Variants in SNX24 observed in about 807,000 individuals in gnomAD.
SNX24 encodes the protein sorting nexin-24.
In SNX24, 22 loss-of-function variants were observed where a neutral mutation model predicts 28.7. That is an observed-to-expected ratio of 0.77 (90% CI 0.55 to 1.10). The LOEUF is 1.10. Among genes scored for constraint, SNX24 ranks in the 50% least tolerant of loss-of-function variants. The probability of loss-of-function intolerance (pLI) is 0.00; values close to 1 mark genes in which losing one functional copy is unlikely to be tolerated. For missense variants in SNX24, 221 were observed against 201.1 expected (o/e 1.10, Z -0.60); for synonymous variants, 69 against 71.5 (o/e 0.96, Z 0.18).
chr5:122,882,808 T>A (rs1227653049), intron 1 of SNX24, among the ~76,000 whole-genome samples: 2 of 152,210 alleles, frequency 1.3e-5, no homozygotes, highest in Admixed American at 1.3e-4. Context: ...TCACTGGCTT[T>A]TAAATTATGA....
chr5:122,898,374 C>G (rs925478578), intron 1 of SNX24, among the ~76,000 whole-genome samples: 1 of 152,200 alleles, frequency 6.6e-6, no homozygotes, highest in Non-Finnish European at 1.5e-5. Context: ...GGGGATTACT[C>G]AAAATTCCTT....
chr5:122,907,309 A>T (rs1024849685), intron 1 of SNX24, among the ~76,000 whole-genome samples: 1 of 152,056 alleles, frequency 6.6e-6, no homozygotes, highest in Non-Finnish European at 1.5e-5. Flanking sequence ...AAAGTCTATT[A>T]AAAAAAATCA....
At chr5:122,940,968 C>T (rs1759419961) in intron 2 of SNX24, among the ~76,000 whole-genome samples, 2 of 152,132 alleles carry the variant, frequency 1.3e-5, no homozygotes, top group South Asian at 4.1e-4. Context: ...CTCGTGGCCT[C>T]TTTCATCTTC....
intron 5 of SNX24, among the ~76,000 whole-genome samples, chr5:123,014,433 C>A (rs1004066513): frequency 2.8e-5 from 4 of 145,442 alleles, no homozygotes; most frequent in African/African-American, 1.0e-4. Flanking sequence ...CCTCCCATCT[C>A]AGCCTCCCAA....
chr5:122,894,427 T>A (rs932154212), intron 1 of SNX24, among the ~76,000 whole-genome samples: 1 of 152,186 alleles, frequency 6.6e-6, no homozygotes. Flanking sequence ...CCCAATTATT[T>A]TTTTTGGTCA....
At chr5:122,991,113 T>A (rs1171265995) in intron 3 of SNX24, among the ~76,000 whole-genome samples, 4 of 152,082 alleles carry the variant, frequency 2.6e-5, no homozygotes, top group Non-Finnish European at 5.9e-5. Context: ...ACCAGGCTGG[T>A]CTCAAGCTCC....
intron 1 of SNX24, among the ~76,000 whole-genome samples, chr5:122,910,225 G>T (rs991164067): frequency 2.0e-5 from 3 of 152,136 alleles, no homozygotes; most frequent in Admixed American, 6.5e-5. Flanking sequence ...TTTGCTGTGT[G>T]TCAGGACGTC....
intron 3 of SNX24, among the ~76,000 whole-genome samples, chr5:122,989,198 C>A (rs1476134769): frequency 6.6e-6 from 1 of 152,144 alleles, no homozygotes; most frequent in African/African-American, 2.4e-5. Context: ...AAGGACTTAA[C>A]TAAAAGTGAG....
At chr5:122,916,773 A>C (rs563869578) in intron 1 of SNX24, among the ~76,000 whole-genome samples, 1 of 152,200 alleles carries the variant, frequency 6.6e-6, no homozygotes, top group Non-Finnish European at 1.5e-5. Context: ...CTTTCTTTAC[A>C]TAAGCTGCTT....
At chr5:122,886,510 C>A (rs1482120396) in intron 1 of SNX24, among the ~76,000 whole-genome samples, 1 of 152,030 alleles carries the variant, frequency 6.6e-6, no homozygotes, top group Non-Finnish European at 1.5e-5. Flanking sequence ...GTATATGTTT[C>A]TAATAACATT....
At chr5:122,888,903 G>T (rs1048786664) in intron 1 of SNX24, among the ~76,000 whole-genome samples, 1 of 152,166 alleles carries the variant, frequency 6.6e-6, no homozygotes, top group Non-Finnish European at 1.5e-5. Context: ...CAAGAATGGA[G>T]TGCAGTGGCG....
intron 1 of SNX24, among the ~76,000 whole-genome samples, chr5:122,899,688 C>T (rs1163070865): frequency 6.6e-6 from 1 of 152,080 alleles, no homozygotes; most frequent in Non-Finnish European, 1.5e-5. Flanking sequence ...AAATTACAGG[C>T]GCGAGGCACT....
intron 3 of SNX24, among the ~76,000 whole-genome samples, chr5:122,985,719 A>C (rs1032845072): frequency 6.6e-6 from 1 of 152,176 alleles, no homozygotes; most frequent in Non-Finnish European, 1.5e-5. Flanking sequence ...GGTGGCATCT[A>C]TTGCCTTCCA....
At chr5:122,866,444 C>T (rs568791967) in intron 1 of SNX24, among the ~76,000 whole-genome samples, 1 of 152,312 alleles carries the variant, frequency 6.6e-6, no homozygotes, top group Admixed American at 6.5e-5. Context: ...CCACCACGCC[C>T]TGCCATAACT....
At chr5:122,991,736 T>C (rs1274838113) in intron 3 of SNX24, among the ~76,000 whole-genome samples, 6 of 152,182 alleles carry the variant, frequency 3.9e-5, no homozygotes, top group Admixed American at 3.3e-4. Context: ...TCTGGGATTA[T>C]AGGTGTGAGC....
intron 2 of SNX24, among the ~76,000 whole-genome samples, chr5:122,940,285 C>T (rs559620090): frequency 1.5e-3 from 222 of 152,228 alleles, no homozygotes; most frequent in African/African-American, 4.9e-3. Flanking sequence ...TGAGCCACCG[C>T]GCCCAGACTA....
At chr5:122,870,913 G>C (rs903078737) in intron 1 of SNX24, among the ~76,000 whole-genome samples, 1 of 152,184 alleles carries the variant, frequency 6.6e-6, no homozygotes, top group African/African-American at 2.4e-5. Context: ...GTCGTTGTCT[G>C]CTAAAACCAT....
Position 123,028,754 on chromosome 5 carries a change from G to A in SNX24, n.384-484G>A, listed in dbSNP as rs781756360. The stretch of plus-strand genomic sequence containing the variant: ...AGATTTCGGTTTGGTAAATGGGAAA[G>A]GAAAAATGCAAAGACGTTACCCCCA... On this transcript the variant is annotated intron_variant and non_coding_transcript_variant, in intron 5 of 5. Coordinates refer to the SNX24 transcript ENST00000502387. 6 of 1,588,262 alleles carry A rather than the reference G, an allele frequency of 3.8e-6. No homozygotes were observed. In the African/African-American group the frequency reaches 8.1e-5, roughly 21 times the overall value.
At chr5:122,862,232 ATGG>A (rs1561518082) in intron 1 of SNX24, among the ~76,000 whole-genome samples, 2 of 152,150 alleles carry the variant, frequency 1.3e-5, no homozygotes, top group East Asian at 3.9e-4. Flanking sequence ...AGCTAAAAGT[ATGG>A]TCTGGAAGCA....
Sources: allele counts gnomAD v4.1 joint callset (sites outside exome capture counted in the v4.1 genomes callset), GRCh38; gene constraint gnomAD v4.1.1; transcripts MANE v1.5; gene names NCBI Gene and HGNC (gene_info 2026-07-23, HGNC 2026-07-21).